Variants in DEUP1 observed in about 807,000 individuals in gnomAD.
The protein encoded by DEUP1 is coiled-coil domain containing 67.
DEUP1 carries 82 observed loss-of-function variants against 87.4 expected under a neutral mutation model. The observed-to-expected ratio is 0.94, with a 90% CI of 0.78 to 1.13. DEUP1 has a LOEUF of 1.13. Among genes scored for constraint, DEUP1 ranks in the 50% most tolerant of loss-of-function variants. The pLI, the probability that DEUP1 is intolerant of heterozygous loss-of-function variation, is 0.00. For synonymous variants in DEUP1, 214 were observed against 222.7 expected (o/e 0.96, Z 0.35); for missense variants, 663 against 681.5 (o/e 0.97, Z 0.30).
chr11:93,363,121 A>C (rs1489098668), intron 4 of DEUP1, among the ~76,000 whole-genome samples: 2 of 151,932 alleles, frequency 1.3e-5, no homozygotes, highest in African/African-American at 4.8e-5. Context: ...AAAAAATACA[A>C]TCCCAAAAGG....
chr11:93,404,217 G>A (rs1431720167), intron 11 of DEUP1, among the ~76,000 whole-genome samples: 2 of 152,034 alleles, frequency 1.3e-5, no homozygotes, highest in Non-Finnish European at 2.9e-5. Context: ...AGTGAGGGAC[G>A]TAGAATAGTG....
chr11:93,382,196 C>T (rs1418871927), intron 7 of DEUP1, among the ~76,000 whole-genome samples: 3 of 152,134 alleles, frequency 2.0e-5, no homozygotes, highest in African/African-American at 7.2e-5. Flanking sequence ...TTTAAAACTA[C>T]ATCTCAGTTA....
At chr11:93,378,186 T>C (rs978701082) in intron 7 of DEUP1, among the ~76,000 whole-genome samples, 1 of 152,242 alleles carries the variant, frequency 6.6e-6, no homozygotes, top group Non-Finnish European at 1.5e-5. Context: ...CCTCAATTAT[T>C]CCCTCAAATA....
intron 4 of DEUP1, among the ~76,000 whole-genome samples, chr11:93,358,686 T>C (rs951078039): frequency 2.0e-5 from 3 of 152,048 alleles, no homozygotes; most frequent in Non-Finnish European, 4.4e-5. Flanking sequence ...CTGGTTCAAG[T>C]GATTGTCGTG....
intron 4 of DEUP1, among the ~76,000 whole-genome samples, chr11:93,359,814 T>C (rs1464435559): frequency 6.6e-6 from 1 of 152,174 alleles, no homozygotes; most frequent in East Asian, 1.9e-4. Context: ...AAAGGCTTAG[T>C]GGAAAAACCT....
In DEUP1 at chr11:93,364,247, AAAG is replaced by A; in HGVS notation, c.391_393del (p.Glu131del). 1 of 1,610,278 alleles carries A rather than the reference AAAG, an allele frequency of 6.2e-7. No homozygotes were observed. The highest frequency in any genetic ancestry group is 8.5e-7 in the Non-Finnish European group (1 of 1,176,950). Reference sequence around the variant, plus strand: ...TCCACGAAAAGAATTACCACACCTTAAAGAAGAAATACCCTTTGAACTGAGCAA... The same window carrying A: ...TCCACGAAAAGAATTACCACACCTTAAAGAAATACCCTTTGAACTGAGCAA... On this transcript the variant is annotated inframe_deletion, in exon 5 of 14. Coordinates refer to ENST00000298050, the MANE Select transcript of DEUP1 (RefSeq NM_181645.4).
chr11:93,433,990 G>C (rs528301891), intron 13 of DEUP1, among the ~76,000 whole-genome samples: 20 of 152,304 alleles, frequency 1.3e-4, no homozygotes, highest in Admixed American at 3.9e-4. Flanking sequence ...GGAGCCTCCA[G>C]TTCGGTGGAG....
chr11:93,404,359 G>A (rs1453805389), intron 11 of DEUP1, among the ~76,000 whole-genome samples: 1 of 151,890 alleles, frequency 6.6e-6, no homozygotes, highest in Non-Finnish European at 1.5e-5. Flanking sequence ...TTTTATTTAA[G>A]AAAGTTGTAA....
Position 93,383,735 on chromosome 11 carries a change from T to C in DEUP1, c.790-1663T>C, listed in dbSNP as rs1471825819. 4.1e-5 allele frequency: 20 copies of C among 490,554 alleles called. No individual in the cohort carries two copies. In the South Asian group the frequency reaches 6.7e-4, roughly 16 times the overall value. The allele number at this position is 490,554 out of a possible 1,614,324, so 30.4% of individuals were successfully genotyped here. Reference sequence around the variant, plus strand: ...CAAACAATTTTTTAAAATATAGTGTTTTCTATAGCCTTTACTAGCAGAGAA... The same window carrying C: ...CAAACAATTTTTTAAAATATAGTGTCTTCTATAGCCTTTACTAGCAGAGAA... On this transcript the variant is annotated intron_variant, in intron 7 of 13. Coordinates refer to ENST00000298050, the MANE Select transcript of DEUP1 (RefSeq NM_181645.4).
At chr11:93,393,024 C>CCCCCCT (rs1946816783) in intron 9 of DEUP1, among the ~76,000 whole-genome samples, 1 of 133,494 alleles carries the variant, frequency 7.5e-6, no homozygotes, top group Admixed American at 7.9e-5. Context: ...CTCCTCTGAG[C>CCCCCCT]CCTCCTCCTC....
intron 13 of DEUP1, among the ~76,000 whole-genome samples, chr11:93,418,689 C>A (rs1197660664): frequency 2.0e-5 from 3 of 151,950 alleles, no homozygotes; most frequent in Non-Finnish European, 2.9e-5. Flanking sequence ...TGGGTATATA[C>A]CCAAAGGACT....
At chr11:93,392,107 G>A (rs1946781979) in intron 9 of DEUP1, among the ~76,000 whole-genome samples, 1 of 152,138 alleles carries the variant, frequency 6.6e-6, no homozygotes, top group African/African-American at 2.4e-5. Context: ...ATTTGCCTCT[G>A]GACATGTGTA....
intron 8 of DEUP1, among the ~76,000 whole-genome samples, chr11:93,388,182 G>A (rs1486925573): frequency 6.6e-6 from 1 of 151,916 alleles, no homozygotes; most frequent in Non-Finnish European, 1.5e-5. Flanking sequence ...ACTCATATTT[G>A]GGTTTTTTAT....
chr11:93,377,517 G>C (rs1946095044), intron 7 of DEUP1, among the ~76,000 whole-genome samples: 1 of 152,036 alleles, frequency 6.6e-6, no homozygotes, highest in South Asian at 2.1e-4. Flanking sequence ...TTATGTGTCA[G>C]GTGAGTCTCT....
chr11:93,332,313 A>AAT, intron 2 of DEUP1, 25 bp downstream of exon 2: 1 of 1,596,956 alleles, frequency 6.3e-7, no homozygotes, highest in Non-Finnish European at 8.6e-7. Flanking sequence ...ATTTCTGTTT[A>AAT]ATAAGTATGT....
At chr11:93,376,554 A>G (rs2134290141) in intron 7 of DEUP1, among the ~76,000 whole-genome samples, 1 of 151,990 alleles carries the variant, frequency 6.6e-6, no homozygotes, top group East Asian at 1.9e-4. Flanking sequence ...GATTTCATTC[A>G]CCTTTTCAAA....
chr11:93,345,025 A>G lies in DEUP1; in HGVS notation c.30-10346A>G, dbSNP rs558131251. On this transcript the variant is annotated intron_variant, in intron 2 of 13. Coordinates refer to ENST00000298050, the MANE Select transcript of DEUP1 (RefSeq NM_181645.4). The stretch of plus-strand genomic sequence containing the variant: ...CCCTCCTCCCATCCTCCATCTTCTG[A>G]TAGGCCTGAGTGTCTATTGTTCCCT... Among the ~76,000 whole-genome samples the G allele has an allele frequency of 3.9e-5, 6 of 152,110 alleles. No homozygotes were observed. The South Asian group carries it at 1.2e-3, about 32-fold the overall frequency.
At chr11:93,396,660 G>A (rs1378769019) in intron 11 of DEUP1, among the ~76,000 whole-genome samples, 2 of 152,024 alleles carry the variant, frequency 1.3e-5, no homozygotes, top group African/African-American at 2.4e-5. Context: ...TCCCCTCAAC[G>A]AAGCCACCCC....
chr11:93,342,342 A>G (rs913954841), intron 2 of DEUP1, among the ~76,000 whole-genome samples: 2 of 152,184 alleles, frequency 1.3e-5, no homozygotes, highest in Non-Finnish European at 2.9e-5. Flanking sequence ...TTACACACCA[A>G]TAGCGCACAG....
Sources: allele counts gnomAD v4.1 joint callset (sites outside exome capture counted in the v4.1 genomes callset), GRCh38; gene constraint gnomAD v4.1.1; transcripts MANE v1.5; gene names NCBI Gene and HGNC (gene_info 2026-07-23, HGNC 2026-07-21).